Variants in PC observed in about 807,000 individuals in gnomAD.
PC encodes pyruvate carboxylase, mitochondrial.
A neutral mutation model predicts 107.8 loss-of-function variants in PC; 46 were observed. The observed-to-expected ratio is 0.43, with a 90% CI of 0.34 to 0.55. The LOEUF (loss-of-function observed/expected upper bound fraction) is 0.55, where lower values mean the gene tolerates loss of function less well. Among genes scored for constraint, PC ranks in the 20% least tolerant of loss-of-function variants. The probability of loss-of-function intolerance (pLI) is 0.04; values close to 1 mark genes in which losing one functional copy is unlikely to be tolerated. For missense variants in PC, 1,241 were observed against 1,643.1 expected (o/e 0.76, Z 4.23); for synonymous variants, 662 against 684.7 (o/e 0.97, Z 0.52).
chr11:66,952,872 C>A (rs971660116), intron 2 of PC, among the ~76,000 whole-genome samples: 3 of 152,206 alleles, frequency 2.0e-5, no homozygotes, highest in Non-Finnish European at 2.9e-5. Context: ...CCACTGAGGG[C>A]ACCAGGAGGG....
chr11:66,955,517 G>A (rs1355892100), intron 1 of PC, among the ~76,000 whole-genome samples: 1 of 152,206 alleles, frequency 6.6e-6, no homozygotes, highest in Non-Finnish European at 1.5e-5. Context: ...AAAGACAGAA[G>A]GCGTTATGAC....
Position 66,848,814 on chromosome 11 carries a change from G to C in PC, c.*85C>G, listed in dbSNP as rs949605202. ...TCCACGGCCCGGCCTTCCTGGCCTC[G>C]GGCACTGGCTGGCCTGGGCCTGCCG... On this transcript the variant is annotated 3_prime_UTR_variant, in exon 23 of 23. Transcript: ENST00000393960. The C allele has an allele frequency of 1.3e-6, 2 of 1,580,342 alleles. No individual in the cohort carries two copies. Among genetic ancestry groups the C allele is most frequent in the South Asian group, 2.2e-5 (2 of 90,026 alleles).
chr11:66,919,015 C>T (rs903196298), intron 3 of PC, among the ~76,000 whole-genome samples: 3 of 152,154 alleles, frequency 2.0e-5, no homozygotes, highest in African/African-American at 7.2e-5. Flanking sequence ...CTGGAGAGTC[C>T]CTGAAGACTC....
intron 3 of PC, among the ~76,000 whole-genome samples, chr11:66,939,961 A>G (rs147722276): frequency 1.3e-5 from 2 of 152,106 alleles, no homozygotes; most frequent in Non-Finnish European, 2.9e-5. Flanking sequence ...TGGAAAAAAC[A>G]TAGGGGAAAA....
intron 3 of PC, among the ~76,000 whole-genome samples, chr11:66,946,241 AACC>A (rs1413660617): frequency 6.6e-6 from 1 of 152,176 alleles, no homozygotes; most frequent in East Asian, 1.9e-4. Flanking sequence ...TCACATCTGT[AACC>A]ACATGATTTT....
chr11:66,920,982 G>A (rs1476387640), intron 3 of PC, among the ~76,000 whole-genome samples: 1 of 151,158 alleles, frequency 6.6e-6, no homozygotes, highest in African/African-American at 2.4e-5. Flanking sequence ...AGGTTGCAGT[G>A]AGCCGAGATC....
chr11:66,881,125 T>A (rs1320562034), intron 3 of PC, among the ~76,000 whole-genome samples: 2 of 152,122 alleles, frequency 1.3e-5, no homozygotes, highest in African/African-American at 2.4e-5. Flanking sequence ...ACCTCAGAAA[T>A]GGGGAAACAG....
At chr11:66,952,878 G>C (rs1261666748) in intron 2 of PC, among the ~76,000 whole-genome samples, 1 of 152,194 alleles carries the variant, frequency 6.6e-6, no homozygotes, top group Non-Finnish European at 1.5e-5. Flanking sequence ...AGGGCACCAG[G>C]AGGGTACAGA....
rs1168306694 is a variant in PC, at chr11:66,852,545, G to A, written c.1719C>T (p.Ala573=). The part of the protein sequence containing the change: ...LLLMDTTFRD[A]HQSLLATRVR... ...CACGAGTGGCCAGCAGTGACTGGTG[G>A]GCGTCCCTGAAGGTCGTGTCCATCA... The change falls in exon 15 of 23, where the codon GCC becomes GCT. Residue 573 remains alanine (A), a synonymous_variant. Transcript: ENST00000393960. The surrounding 1 kb of genome is among the most constrained non-coding windows in gnomAD (Gnocchi z 4.7). 14 of 1,613,964 alleles carry A rather than the reference G, an allele frequency of 8.7e-6. 1 individual carries two copies. Among genetic ancestry groups the A allele is most frequent in the East Asian group, 6.7e-5 (3 of 44,892 alleles).
intron 3 of PC, among the ~76,000 whole-genome samples, chr11:66,942,832 G>C (rs1949177037): frequency 6.6e-6 from 1 of 151,898 alleles, no homozygotes; most frequent in African/African-American, 2.4e-5. Context: ...GACCAACATG[G>C]AGAAAACCCG....
chr11:66,921,793 A>G (rs530865107), intron 3 of PC, among the ~76,000 whole-genome samples: 6 of 152,350 alleles, frequency 3.9e-5, no homozygotes, highest in Admixed American at 3.9e-4. Context: ...CTTAGTTGCC[A>G]TGATTATTCT....
In PC at chr11:66,915,962, G is replaced by A. The variant is rs375918373; in HGVS notation, c.-1+36468C>T. Among the ~76,000 whole-genome samples, 31 of 152,210 alleles carry A rather than the reference G, an allele frequency of 2.0e-4. No individual in the cohort carries two copies. The South Asian group carries it at 6.0e-3, about 29-fold the overall frequency. On this transcript the variant is annotated intron_variant, in intron 3 of 22. Coordinates refer to ENST00000393960, the MANE Select transcript of PC (RefSeq NM_001040716.2). ...CCATAGTCTCAGTCTTTCCTACAAC[G>A]CTCTTTACAGCCTCCACTCCCTCTG...
chr11:66,909,856 C>G (rs1329763439), intron 3 of PC, among the ~76,000 whole-genome samples: 1 of 151,984 alleles, frequency 6.6e-6, no homozygotes, highest in Non-Finnish European at 1.5e-5. Flanking sequence ...GTGGCCAGGA[C>G]ACGGGCCATT....
At position 66,850,660 on chromosome 11, in the gene PC, G is replaced by T; in HGVS notation, c.2473+14C>A. On this transcript the variant is annotated intron_variant, in intron 18 of 22. Transcript: ENST00000393960. ...TTTGAGAGGGGTGTGGCCACGGGCT[G>T]CTGTTCTTCCTACCTGTGTCCAGGG... is the stretch of plus-strand genomic sequence containing the variant. 1 of 1,606,896 alleles carries T rather than the reference G, an allele frequency of 6.2e-7. No homozygotes were observed.
intron 3 of PC, among the ~76,000 whole-genome samples, chr11:66,940,125 T>C (rs993571861): frequency 7.9e-5 from 12 of 151,640 alleles, no homozygotes; most frequent in Admixed American, 5.9e-4. Flanking sequence ...CAATCCACAG[T>C]ATGGAAGAAA....
Position 66,871,283 on chromosome 11 carries a change from G to A in PC, c.487+32C>T, listed in dbSNP as rs768221402. The stretch of plus-strand genomic sequence containing the variant: ...CTGCTGGACCCTCTCCAGGAGCTGC[G>A]GGGCCACCCCTTGCTTGCCCGTTAT... On this transcript the variant is annotated intron_variant, in intron 6 of 22. Coordinates refer to ENST00000393960, the MANE Select transcript of PC (RefSeq NM_001040716.2). This position sits in a 1 kb window ranked among gnomAD's most constrained non-coding sequence, Gnocchi z 7.4. 11 of 1,614,056 alleles carry A rather than the reference G, an allele frequency of 6.8e-6. No homozygotes were observed. Among genetic ancestry groups the A allele is most frequent in the Middle Eastern group, 1.6e-4 (1 of 6,062 alleles).
chr11:66,870,585 C>T lies in PC; in HGVS notation c.752-132G>A. On this transcript the variant is annotated intron_variant, in intron 8 of 22. Transcript: ENST00000393960. This position sits in a 1 kb window ranked among gnomAD's most constrained non-coding sequence, Gnocchi z 6.1. The stretch of plus-strand genomic sequence containing the variant: ...GCGGTACAGAGGCTGCCAGGAGAGA[C>T]ACCAGCATCACCAAGGCTGTGAGGA... 1 of 1,155,638 alleles carries T rather than the reference C, an allele frequency of 8.7e-7. No individual in the cohort carries two copies. The highest frequency in any genetic ancestry group is 1.3e-6 in the Non-Finnish European group (1 of 787,274). The allele number at this position is 1,155,638 out of a possible 1,614,324, so 71.6% of individuals were successfully genotyped here.
At chr11:66,874,130 T>C (rs1308302068) in intron 3 of PC, among the ~76,000 whole-genome samples, 1 of 152,140 alleles carries the variant, frequency 6.6e-6, no homozygotes, top group Non-Finnish European at 1.5e-5. Flanking sequence ...CAGCTAATTT[T>C]TGTATTTTTA....
chr11:66,910,537 T>C (rs7119676), intron 3 of PC, among the ~76,000 whole-genome samples: 138,465 of 152,204 alleles, frequency 0.91, 64,340 homozygotes, highest in Middle Eastern at 1. Context: ...CTAGGTGCTA[T>C]AGGGAAGCAG....
Sources: gnomAD v4.1 joint callset for allele counts (sites outside exome capture counted in the v4.1 genomes callset) on GRCh38, gnomAD v4.1.1 for gene constraint, Gnocchi (gnomAD v3.1) non-coding constraint, MANE v1.5 for transcripts, NCBI Gene and HGNC (gene_info 2026-07-23, HGNC 2026-07-21) for gene names.